Variants in CPD observed in about 807,000 individuals in gnomAD.
CPD encodes carboxypeptidase D.
CPD carries 69 observed loss-of-function variants against 138.3 expected under a neutral mutation model. The ratio of observed to expected loss-of-function variants is 0.50; its 90% CI spans 0.41 to 0.61. The LOEUF (loss-of-function observed/expected upper bound fraction) is 0.61, where lower values mean the gene tolerates loss of function less well. Among genes scored for constraint, CPD ranks in the 20% least tolerant of loss-of-function variants. The pLI is 0.00. For synonymous variants in CPD, 651 were observed against 642.1 expected (o/e 1.01, Z -0.21); for missense variants, 1,432 against 1,733.3 (o/e 0.83, Z 3.09).
intron 2 of CPD, among the ~76,000 whole-genome samples, chr17:30,390,833 CT>C (rs549871325): frequency 1.8e-3 from 256 of 143,922 alleles, no homozygotes; most frequent in Non-Finnish European, 1.7e-3. Flanking sequence ...AGTAAGATGC[CT>C]TTTTTTTTTT....
chr17:30,429,966 T>C (rs888017696), intron 7 of CPD, among the ~76,000 whole-genome samples: 4 of 152,206 alleles, frequency 2.6e-5, no homozygotes, highest in African/African-American at 9.6e-5. Context: ...AGATAGCCTT[T>C]CCTGCATCTG....
chr17:30,379,695 C>T lies in CPD; in HGVS notation c.715C>T (p.Arg239Cys). 2.9e-5 allele frequency: 44 copies of T among 1,509,458 alleles called. No individual in the cohort carries two copies. Among genetic ancestry groups the T allele is most frequent in the Non-Finnish European group, 3.7e-5 (43 of 1,147,402 alleles). 93.5% of individuals were successfully genotyped at this position (1,509,458 alleles called of 1,614,324 possible). A position where few individuals can be genotyped will look rare whatever the true frequency, so the allele number is the denominator to read the frequency against. ...CGCCCTGGACGAGGTGCCCGAGGTG[C>T]GCGCCCTCATCGAGTGGATCCGCAG... Reference protein sequence around the residue: ...PPALDEVPEVRALIEWIRRNK... With the variant: ...PPALDEVPEVCALIEWIRRNK... Residue 239 changes from arginine to cysteine, a missense_variant, in exon 1 of 21, where the codon CGC becomes TGC. By Grantham distance (180) the Arg-to-Cys change is radical. Coordinates refer to ENST00000225719, the MANE Select transcript of CPD (RefSeq NM_001304.5). The surrounding 1 kb of genome is among the most constrained non-coding windows in gnomAD (Gnocchi z 7.0).
At chr17:30,385,504 G>GCACACA (rs34290313) in intron 2 of CPD, among the ~76,000 whole-genome samples, 8 of 144,346 alleles carry the variant, frequency 5.5e-5, no homozygotes, top group South Asian at 2.4e-4. Flanking sequence ...GTATGTGCAT[G>GCACACA]CACACACACA....
chr17:30,425,003 A>T (rs1437723642), intron 6 of CPD, among the ~76,000 whole-genome samples: 1 of 152,180 alleles, frequency 6.6e-6, no homozygotes, highest in Non-Finnish European at 1.5e-5. Flanking sequence ...TATATATTTC[A>T]GATTTTTCCC....
intron 2 of CPD, among the ~76,000 whole-genome samples, chr17:30,394,736 G>A (rs960551855): frequency 6.6e-6 from 1 of 152,176 alleles, no homozygotes; most frequent in Non-Finnish European, 1.5e-5. Context: ...TATGCAAGAA[G>A]AACTGCAGAA....
chr17:30,392,190 A>G (rs1396165655), intron 2 of CPD, among the ~76,000 whole-genome samples: 2 of 151,960 alleles, frequency 1.3e-5, no homozygotes, highest in Non-Finnish European at 2.9e-5. Context: ...TTGTATTTTT[A>G]GTAGAGACGG....
In CPD at chr17:30,466,991, T is replaced by C. The variant is rs1464836822; in HGVS notation, c.*2177T>C. 6.6e-6 allele frequency: 1 copy of C among 152,614 alleles called. No individual in the cohort carries two copies. Among genetic ancestry groups the C allele is most frequent in the Non-Finnish European group, 1.5e-5 (1 of 68,010 alleles). The allele number at this position is 152,614 out of a possible 1,614,324, so 9.5% of individuals were successfully genotyped here. On this transcript the variant is annotated 3_prime_UTR_variant, in exon 21 of 21. Coordinates refer to ENST00000225719, the MANE Select transcript of CPD (RefSeq NM_001304.5). ...TGCATTTAGCTGGAAAACAAGACTT[T>C]CCCAGCTTGTATTACCTAGAAGCGT...
At chr17:30,397,800 A>G (rs1278100447) in intron 2 of CPD, among the ~76,000 whole-genome samples, 4 of 151,102 alleles carry the variant, frequency 2.6e-5, no homozygotes, top group Non-Finnish European at 5.9e-5. Flanking sequence ...TGTTCAGGCA[A>G]CTTTTAAATA....
intron 2 of CPD, among the ~76,000 whole-genome samples, chr17:30,397,380 A>G (rs535299847): frequency 6.6e-6 from 1 of 152,300 alleles, no homozygotes; most frequent in East Asian, 1.9e-4. Flanking sequence ...ATGCAGGTAT[A>G]TCACATTCAA....
intron 2 of CPD, among the ~76,000 whole-genome samples, chr17:30,395,987 ATT>A (rs892535783): frequency 2.6e-5 from 4 of 152,110 alleles, no homozygotes; most frequent in Admixed American, 6.6e-5. Context: ...AATTTGGGGA[ATT>A]TTTTTAAGAG....
Position 30,467,252 on chromosome 17 carries a change from T to G in CPD, c.*2438T>G, listed in dbSNP as rs1567887811. 6.6e-6 allele frequency: 1 copy of G among 152,590 alleles called. No homozygotes were observed. Among genetic ancestry groups the G allele is most frequent in the Non-Finnish European group, 1.5e-5 (1 of 68,004 alleles). 9.5% of individuals were successfully genotyped at this position (152,590 alleles called of 1,614,324 possible). On this transcript the variant is annotated 3_prime_UTR_variant, in exon 21 of 21. Coordinates refer to ENST00000225719, the MANE Select transcript of CPD (RefSeq NM_001304.5). Reference sequence around the variant, plus strand: ...GCCTAAATCTGAGTTGTGCCTTTCTTTACTCACAAGGCATGGGCTTTGTCC... The same window carrying G: ...GCCTAAATCTGAGTTGTGCCTTTCTGTACTCACAAGGCATGGGCTTTGTCC...
intron 2 of CPD, among the ~76,000 whole-genome samples, chr17:30,395,465 A>G (rs558788734): frequency 1.3e-5 from 2 of 152,312 alleles, no homozygotes; most frequent in South Asian, 2.1e-4. Context: ...AGGTAAAACA[A>G]TACTCCAAAA....
chr17:30,468,403 C>T lies in CPD; in HGVS notation c.*3589C>T, dbSNP rs1913700979. Reference sequence around the variant, plus strand: ...CTCAGATTAAAAATCAGCTTTTCACCTCTCCAGTTTTTCCAAGTGATACTC... The same window carrying T: ...CTCAGATTAAAAATCAGCTTTTCACTTCTCCAGTTTTTCCAAGTGATACTC... On this transcript the variant is annotated 3_prime_UTR_variant, in exon 21 of 21. Coordinates refer to ENST00000225719, the MANE Select transcript of CPD (RefSeq NM_001304.5). The T allele has an allele frequency of 6.6e-6, 1 of 152,194 alleles. No homozygotes were observed. Among genetic ancestry groups the T allele is most frequent in the Admixed American group, 6.6e-5 (1 of 15,250 alleles). The allele number at this position is 152,194 out of a possible 1,614,324, so 9.4% of individuals were successfully genotyped here. A position where few individuals can be genotyped will look rare whatever the true frequency, so the allele number is the denominator to read the frequency against.
At position 30,403,449 on chromosome 17, in the gene CPD, A is replaced by G. The variant is rs925586200; in HGVS notation, c.995-17392A>G. Reference sequence around the variant, plus strand: ...TTTCTCACATTCCCTCATATCTGCCATCTCACTAAAGTCTCTGTCTTCCAG... The same window carrying G: ...TTTCTCACATTCCCTCATATCTGCCGTCTCACTAAAGTCTCTGTCTTCCAG... On this transcript the variant is annotated intron_variant, in intron 2 of 20. Transcript: ENST00000225719. Among the ~76,000 whole-genome samples the G allele has an allele frequency of 5.3e-5, 8 of 152,216 alleles. No homozygotes were observed. In the East Asian group the frequency reaches 1.5e-3, roughly 29 times the overall value.
At chr17:30,398,750 CA>C (rs1257876595) in intron 2 of CPD, among the ~76,000 whole-genome samples, 4 of 151,734 alleles carry the variant, frequency 2.6e-5, no homozygotes, top group African/African-American at 9.7e-5. Flanking sequence ...TGACATCTCA[CA>C]AAAAATTCTT....
At chr17:30,412,423 G>C (rs1029611670) in intron 2 of CPD, among the ~76,000 whole-genome samples, 35 of 152,312 alleles carry the variant, frequency 2.3e-4, no homozygotes, top group African/African-American at 7.9e-4. Flanking sequence ...TGTCAGTCAG[G>C]GACGTTTAAG....
chr17:30,403,707 T>C (rs757766608), intron 2 of CPD, among the ~76,000 whole-genome samples: 6 of 152,182 alleles, frequency 3.9e-5, no homozygotes, highest in Non-Finnish European at 5.9e-5. Flanking sequence ...GTAATATGAA[T>C]ATGGTACAAC....
chr17:30,432,574 A>T (rs187141685), intron 8 of CPD, among the ~76,000 whole-genome samples: 1 of 152,100 alleles, frequency 6.6e-6, no homozygotes, highest in East Asian at 1.9e-4. Context: ...TACAATCGGG[A>T]ATGTTAAAAT....
chr17:30,393,402 G>T (rs1453808408), intron 2 of CPD, among the ~76,000 whole-genome samples: 2 of 152,158 alleles, frequency 1.3e-5, no homozygotes, highest in Non-Finnish European at 2.9e-5. Context: ...AGTATTTTCT[G>T]TGTCATTAAA....
Sources: gnomAD v4.1 joint callset for allele counts (sites outside exome capture counted in the v4.1 genomes callset) on GRCh38, gnomAD v4.1.1 for gene constraint, Gnocchi (gnomAD v3.1) non-coding constraint, MANE v1.5 for transcripts, NCBI Gene and HGNC (gene_info 2026-07-23, HGNC 2026-07-21) for gene names.